ITGB1: variants seen among roughly 807,000 people sequenced by gnomAD.
ITGB1 encodes integrin subunit beta 1.
In ITGB1, 24 loss-of-function variants were observed where a neutral mutation model predicts 86.5. That is an observed-to-expected ratio of 0.28 (90% CI 0.20 to 0.39). The LOEUF (loss-of-function observed/expected upper bound fraction) is 0.39. Among genes scored for constraint, ITGB1 ranks in the 10% least tolerant of loss-of-function variants. The pLI, the probability that ITGB1 is intolerant of heterozygous loss-of-function variation, is 1.00. For synonymous variants in ITGB1, 323 were observed against 316.8 expected, an observed-to-expected ratio of 1.02 and a Z score of -0.21; for missense variants, 556 against 946.9, an observed-to-expected ratio of 0.59 and a Z score of 5.42.
At chr10:32,935,419 T>G in intron 2 of ITGB1, 73 bp downstream of exon 2, 1 of 896,606 alleles carries the variant, frequency 1.1e-6, no homozygotes, top group Non-Finnish European at 1.9e-6. Context: ...GGTTCTCATA[T>G]GAACCTAACT....
intron 1 of ITGB1, among the ~76,000 whole-genome samples, chr10:32,942,767 C>T (rs2095022102): frequency 6.6e-6 from 1 of 151,648 alleles, no homozygotes; most frequent in Non-Finnish European, 1.5e-5. Flanking sequence ...TCACTGCAGC[C>T]TCAACCTCCT....
chr10:32,938,465 C>A (rs1443531494), intron 1 of ITGB1, among the ~76,000 whole-genome samples: 1 of 152,240 alleles, frequency 6.6e-6, no homozygotes, highest in African/African-American at 2.4e-5. Flanking sequence ...ACAATCACCA[C>A]TAAGATGAAG....
At chr10:32,913,315 A>T (rs899353233) in intron 11 of ITGB1, among the ~76,000 whole-genome samples, 3 of 152,236 alleles carry the variant, frequency 2.0e-5, no homozygotes, top group African/African-American at 7.2e-5. Flanking sequence ...ACGGAGAATG[A>T]CTTTGACAAG....
At position 32,926,019 on chromosome 10, in the gene ITGB1, C is replaced by T. The variant is rs1191383968; in HGVS notation, c.638G>A (p.Cys213Tyr). ...LRNPCTSEQN[C>Y]TSPFSYKNVL... ...ATTTTTGTAGCTAAATGGGCTGGTG[C>T]AGTTCTGTTCACTTGTGCAAGGGTT... Residue 213 changes from cysteine (C) to tyrosine (Y), a missense_variant, in exon 6 of 16, where the codon TGC (cysteine) becomes TAC (tyrosine). Transcript: ENST00000302278. The T allele has an allele frequency of 6.2e-7, 1 of 1,614,040 alleles. No homozygotes were observed. Among genetic ancestry groups the T allele is most frequent in the South Asian group, 1.1e-5 (1 of 91,072 alleles).
chr10:32,929,718 A>G lies in ITGB1; in HGVS notation c.376+104T>C, dbSNP rs1208309749. 16 of 723,232 alleles carry G rather than the reference A, an allele frequency of 2.2e-5. 1 individual carries two copies. The Middle Eastern group carries it at 7.2e-4, about 33-fold the overall frequency. 44.8% of individuals were successfully genotyped at this position (723,232 alleles called of 1,614,324 possible). A position where few individuals can be genotyped will look rare whatever the true frequency, so the allele number is the denominator to read the frequency against. On this transcript the variant is annotated intron_variant, in intron 4 of 15. Transcript: ENST00000302278. ...TCCACATTTTTGAGTGCCAGTCCAC[A>G]TGTAAAAACGAGCCTTCAACAGAAA...
In ITGB1 at chr10:32,910,390, G is replaced by T. The variant is rs765315222; in HGVS notation, c.1997C>A (p.Ser666Tyr). 4.4e-6 allele frequency: 7 copies of T among 1,600,064 alleles called. No individual in the cohort carries two copies. The highest frequency in any genetic ancestry group is 6.0e-6 in the Non-Finnish European group (7 of 1,167,624). The part of the protein sequence containing the change: ...EKKDTCTQEC[S>Y]YFNITKVESR... ...TTCTACCTTGGTAATGTTAAAATAG[G>T]AACATTCCTGTGTGCATGTGTCTTT... The change falls in exon 14 of 16, where the codon TCC (serine) becomes TAC (tyrosine). Residue 666 changes from serine (S) to tyrosine (Y), a missense_variant. Ser to Tyr is a moderately radical substitution (Grantham distance 144). Around this residue, in one of 4 missense-constraint regions of ITGB1, gnomAD observed 330 missense variants for 531.5 expected, o/e 0.62. Coordinates refer to ENST00000302278, the MANE Select transcript of ITGB1 (RefSeq NM_002211.4).
chr10:32,926,803 C>T (rs747554179), intron 5 of ITGB1, among the ~76,000 whole-genome samples: 4 of 152,174 alleles, frequency 2.6e-5, no homozygotes, highest in Non-Finnish European at 5.9e-5. Flanking sequence ...TGTCTCCCTG[C>T]TGCTATGTGA....
chr10:32,920,455 A>C (rs2094945890), intron 9 of ITGB1, 70 bp from the exon 10 acceptor site: 3 of 1,367,492 alleles, frequency 2.2e-6, no homozygotes, highest in Non-Finnish European at 2.0e-6. Context: ...AAACCAATGG[A>C]TAAACTGCTC....
At chr10:32,921,466 T>C (rs778724100) in intron 9 of ITGB1, among the ~76,000 whole-genome samples, 2 of 152,194 alleles carry the variant, frequency 1.3e-5, no homozygotes, top group Non-Finnish European at 2.9e-5. Context: ...CAAAGCGTTA[T>C]GGTACCCCCA....
intron 15 of ITGB1, among the ~76,000 whole-genome samples, chr10:32,908,075 T>C (rs1452551989): frequency 6.6e-6 from 1 of 152,184 alleles, no homozygotes; most frequent in Non-Finnish European, 1.5e-5. Flanking sequence ...TTTAGGATTC[T>C]ACTTCACATT....
At chr10:32,906,925 A>G (rs574281102) in intron 15 of ITGB1, 15 of 465,788 alleles carry the variant, frequency 3.2e-5, no homozygotes, top group Non-Finnish European at 5.8e-5. Context: ...CGAAGTTAAC[A>G]TACAAAAAGA....
Position 32,945,666 on chromosome 10 carries a change from T to C in ITGB1, c.1-10108A>G, listed in dbSNP as rs961521106. On this transcript the variant is annotated intron_variant, in intron 1 of 15. Coordinates refer to ENST00000302278, the MANE Select transcript of ITGB1 (RefSeq NM_002211.4). Reference sequence around the variant, plus strand: ...TGGAAAAGTTTTAAAAAGTTACATGTCATTTGGGGAAAGTATCTCATCAGA... The same window carrying C: ...TGGAAAAGTTTTAAAAAGTTACATGCCATTTGGGGAAAGTATCTCATCAGA... 1.6e-4 allele frequency among the ~76,000 whole-genome samples: 24 copies of C among 152,126 alleles called. 1 individual carries two copies. The highest frequency in any genetic ancestry group is 1.1e-3 in the Admixed American group (17 of 15,270).
chr10:32,927,973 A>C, intron 5 of ITGB1, 121 bp downstream of exon 5: 1 of 597,840 alleles, frequency 1.7e-6, no homozygotes, highest in East Asian at 2.8e-5. Context: ...GAAAAGGCTA[A>C]AAAACTGGCT....
intron 2 of ITGB1, among the ~76,000 whole-genome samples, chr10:32,934,331 T>A (rs1211404673): frequency 2.0e-5 from 3 of 152,218 alleles, no homozygotes; most frequent in African/African-American, 7.2e-5. Context: ...TTACCTAGCA[T>A]TTACATTGTA....
intron 1 of ITGB1, among the ~76,000 whole-genome samples, chr10:32,953,081 G>A (rs2095045674): frequency 1.3e-5 from 2 of 152,008 alleles, no homozygotes. Context: ...AATTAGATTG[G>A]ATTCTTCCCA....
chr10:32,919,845 C>T, intron 11 of ITGB1, 40 bp downstream of exon 11: 2 of 1,570,058 alleles, frequency 1.3e-6, no homozygotes, highest in Non-Finnish European at 1.8e-6. Context: ...ACTCTCTAAA[C>T]CAATGTAGCT....
At chr10:32,941,553 G>A (rs1035880701) in intron 1 of ITGB1, among the ~76,000 whole-genome samples, 3 of 152,166 alleles carry the variant, frequency 2.0e-5, no homozygotes, top group Non-Finnish European at 4.4e-5. Flanking sequence ...TGCTAAAAGA[G>A]TTTGGATTCC....
intron 2 of ITGB1, among the ~76,000 whole-genome samples, chr10:32,933,834 A>C (rs2094991986): frequency 6.6e-6 from 1 of 152,176 alleles, no homozygotes; most frequent in Non-Finnish European, 1.5e-5. Flanking sequence ...TCTTATCATC[A>C]CAAATTCTTT....
chr10:32,946,748 C>CGGGGGG (rs1565833613), intron 1 of ITGB1, among the ~76,000 whole-genome samples: 3 of 4,018 alleles, frequency 7.5e-4, no homozygotes, highest in African/African-American at 5.2e-3. Flanking sequence ...GTATGTATTT[C>CGGGGGG]TGGGGGGGGG....
Sources: gnomAD v4.1 joint callset for allele counts (sites outside exome capture counted in the v4.1 genomes callset) on GRCh38, gnomAD v4.1.1 for gene constraint, gnomAD v4.1.1 regional missense constraint, MANE v1.5 for transcripts, NCBI Gene and HGNC (gene_info 2026-07-23, HGNC 2026-07-21) for gene names.